Variants in MUC12 observed in about 807,000 individuals in gnomAD.
The protein encoded by MUC12 is mucin 12, cell surface associated.
A neutral mutation model predicts 230.8 loss-of-function variants in MUC12; 172 were observed. The observed-to-expected ratio is 0.75, with a 90% CI of 0.66 to 0.85. MUC12 has a LOEUF of 0.85. Ranked by LOEUF, MUC12 falls within the 40% of genes least tolerant of loss-of-function variation. The probability of loss-of-function intolerance (pLI) is 0.00; values close to 1 mark genes in which losing one functional copy is unlikely to be tolerated. For missense variants in MUC12, 3,506 were observed against 5,920.6 expected (o/e 0.59, Z 13.38); for synonymous variants, 1,259 against 2,401.9 (o/e 0.52, Z 13.91).
At chr7:100,986,368 C>T (rs986893940) in intron 1 of MUC12, among the ~76,000 whole-genome samples, 1 of 147,296 alleles carries the variant, frequency 6.8e-6, no homozygotes, top group East Asian at 2.0e-4. Flanking sequence ...TCCCAGATCT[C>T]ATGTTGAACT....
chr7:101,009,073 T>C, intron 4 of MUC12, 22 bp from the exon 5 acceptor site: 1 of 1,537,324 alleles, frequency 6.5e-7, no homozygotes, highest in Non-Finnish European at 8.7e-7. Context: ...TTGTGTGACC[T>C]TCGCTGCCTT....
Position 100,991,394 on chromosome 7 carries a change from C to A in MUC12, c.831C>A (p.Thr277=), listed in dbSNP as rs779725242. The change falls in exon 2 of 12, where the codon ACC becomes ACA. Residue 277 remains threonine (T), a synonymous_variant. Transcript: ENST00000536621. Reference sequence around the variant, plus strand: ...CAACCCATGAGGGAGAACCTACCACCTTCCAGAGCTGGCCAAGCTCAAAGG... The same window carrying A: ...CAACCCATGAGGGAGAACCTACCACATTCCAGAGCTGGCCAAGCTCAAAGG... ...SSTTHEGEPT[T]FQSWPSSKDT... The A allele has an allele frequency of 1.4e-5, 21 of 1,537,728 alleles. No homozygotes were observed. The highest frequency in any genetic ancestry group is 1.7e-5 in the Non-Finnish European group (19 of 1,147,056).
Position 101,018,725 on chromosome 7 carries a change from G to A in MUC12, c.*89G>A, listed in dbSNP as rs535424864. The A allele has an allele frequency of 3.7e-6, 5 of 1,348,962 alleles. No individual in the cohort carries two copies. The highest frequency in any genetic ancestry group is 5.0e-6 in the Non-Finnish European group (5 of 1,005,960). The allele number at this position is 1,348,962 out of a possible 1,614,324, so 83.6% of individuals were successfully genotyped here. ...CACAAGCCTCCGGGGCGGGTCAAGAGGAGACCGAAGTCAGGCCCTGAAGCC... is the reference window on the plus strand; with the variant it reads ...CACAAGCCTCCGGGGCGGGTCAAGAAGAGACCGAAGTCAGGCCCTGAAGCC... On this transcript the variant is annotated 3_prime_UTR_variant, in exon 12 of 12. Coordinates refer to ENST00000536621, the MANE Select transcript of MUC12 (RefSeq NM_001164462.2).
chr7:100,990,928 C>A lies in MUC12; in HGVS notation c.365C>A (p.Thr122Lys). ...SPITSASMET[T>K]ALPGSTTTAG... Reference sequence around the variant, plus strand: ...ATCACTTCAGCCTCAATGGAAACAACAGCGTTACCTGGCAGTACCACAACA... The same window carrying A: ...ATCACTTCAGCCTCAATGGAAACAAAAGCGTTACCTGGCAGTACCACAACA... Residue 122 changes from threonine (T) to lysine (K), a missense_variant, in exon 2 of 12, where the codon ACA becomes AAA. Transcript: ENST00000536621. 1 of 1,537,908 alleles carries A rather than the reference C, an allele frequency of 6.5e-7. No homozygotes were observed. Among genetic ancestry groups the A allele is most frequent in the South Asian group, 1.2e-5 (1 of 84,064 alleles).
chr7:100,993,246 C>T lies in MUC12; in HGVS notation c.2683C>T (p.Pro895Ser). The T allele has an allele frequency of 7.9e-6, 9 of 1,145,540 alleles. 2 individuals carry two copies. The highest frequency in any genetic ancestry group is 1.1e-5 in the Non-Finnish European group (9 of 841,938). The allele number at this position is 1,145,540 out of a possible 1,614,324, so 71.0% of individuals were successfully genotyped here. The change falls in exon 2 of 12, where the codon CCT becomes TCT. Residue 895 changes from proline to serine, a missense_variant. By Grantham distance (74) the Pro-to-Ser change is moderately conservative. Coordinates refer to ENST00000536621, the MANE Select transcript of MUC12 (RefSeq NM_001164462.2). ...AGGCTCAACGGATACAACACTGTTA[C>T]CTGCCAGCACCACCACCTCAGGCCC... is the stretch of plus-strand genomic sequence containing the variant. ...SPGSTDTTLL[P>S]ASTTTSGPSQ...
rs1295789415 is a variant in MUC12 at position 100,992,948 on chromosome 7, T to C, written c.2385T>C (p.Ser795=). Residue 795 remains serine (S), a synonymous_variant, in exon 2 of 12, where the codon TCT becomes TCC. Coordinates refer to ENST00000536621, the MANE Select transcript of MUC12 (RefSeq NM_001164462.2). ...RSTTSVLLGE[S]TTSPISSGSM... ...CAACCTCAGTTCTTCTTGGAGAATC[T>C]ACGACCTCACCCATCAGTTCAGGCT... The C allele has an allele frequency of 6.5e-7, 1 of 1,537,306 alleles. No homozygotes were observed. The highest frequency in any genetic ancestry group is 8.7e-7 in the Non-Finnish European group (1 of 1,146,932).
At chr7:100,970,980 G>C (rs1376255809) in intron 1 of MUC12, among the ~76,000 whole-genome samples, 3 of 151,004 alleles carry the variant, frequency 2.0e-5, no homozygotes, top group African/African-American at 7.3e-5. Flanking sequence ...CTGGGCGACA[G>C]CGAGACTCCG....
intron 9 of MUC12, 52 bp downstream of exon 9, chr7:101,014,126 G>T (rs1793880435): frequency 6.8e-7 from 1 of 1,467,874 alleles, no homozygotes; most frequent in East Asian, 2.5e-5. Context: ...ACAGATCCTG[G>T]GGTGGCCACT....
rs186537613 is a variant in MUC12, at chr7:101,009,682, A to G, written c.15251+523A>G. ...ATCCCATCTCTACAAAAAGAAAAAA[A>G]AATGTAACAGCAAAACTGAGGCTTG... On this transcript the variant is annotated intron_variant, in intron 5 of 11. Transcript: ENST00000536621. 4.5e-3 allele frequency among the ~76,000 whole-genome samples: 693 copies of G among 152,332 alleles called. 4 individuals carry two copies. The highest frequency in any genetic ancestry group is 7.2e-3 in the Non-Finnish European group (493 of 68,034).
rs144292724 is a variant in MUC12 at position 101,004,599 on chromosome 7, G to C, written c.14036G>C (p.Arg4679Pro). The C allele has an allele frequency of 6.5e-7, 1 of 1,536,156 alleles. No individual in the cohort carries two copies. The highest frequency in any genetic ancestry group is 1.2e-5 in the South Asian group (1 of 83,984). Reference sequence around the variant, plus strand: ...CCTGAGAGCTCCACAACCTCCGGCCGTAGTGAGGAATCAACAGCATCCCAC... The same window carrying C: ...CCTGAGAGCTCCACAACCTCCGGCCCTAGTGAGGAATCAACAGCATCCCAC... Reference protein sequence around the residue: ...HFPESSTTSGRSEESTASHSS... With the variant: ...HFPESSTTSGPSEESTASHSS... The change falls in exon 2 of 12, where the codon CGT becomes CCT. Residue 4679 changes from arginine (R) to proline (P), a missense_variant. Arg to Pro is a moderately radical substitution (Grantham distance 103, BLOSUM62 -2). Coordinates refer to ENST00000536621, the MANE Select transcript of MUC12 (RefSeq NM_001164462.2).
At chr7:101,017,794 G>T in intron 11 of MUC12, 131 bp downstream of exon 11, 4 of 564,844 alleles carry the variant, frequency 7.1e-6, no homozygotes, top group Admixed American at 3.5e-5. Context: ...TTCCCCCTGG[G>T]ACCCCTTCCC....
In MUC12 at chr7:100,995,204, A is replaced by T; in HGVS notation, c.4641A>T (p.Lys1547Asn). 1 of 1,364,876 alleles carries T rather than the reference A, an allele frequency of 7.3e-7. No individual in the cohort carries two copies. The highest frequency in any genetic ancestry group is 9.8e-7 in the Non-Finnish European group (1 of 1,018,722). The allele number at this position is 1,364,876 out of a possible 1,614,324, so 84.5% of individuals were successfully genotyped here. A position where few individuals can be genotyped will look rare whatever the true frequency, so the allele number is the denominator to read the frequency against. Residue 1547 changes from lysine (K) to asparagine (N), a missense_variant, in exon 2 of 12, where the codon AAA becomes AAT. Lys to Asn is a moderately conservative substitution (Grantham distance 94). Transcript: ENST00000536621. ...CCACAACAGCAGGCCTGAGTGAGAAATCTACCACCTTCTACAGTAGCCCCA... is the reference window on the plus strand; with the variant it reads ...CCACAACAGCAGGCCTGAGTGAGAATTCTACCACCTTCTACAGTAGCCCCA... ...GSTTTAGLSEKSTTFYSSPRS... is the reference protein window; with the variant it reads ...GSTTTAGLSENSTTFYSSPRS...
intron 1 of MUC12, chr7:100,981,406 C>T: frequency 1.6e-6 from 1 of 640,000 alleles, no homozygotes; most frequent in Non-Finnish European, 2.8e-6. Context: ...GTTTGCTAGC[C>T]CAGGGGACGA....
Position 100,997,972 on chromosome 7 carries a change from G to T in MUC12, c.7409G>T (p.Ser2470Ile). 6.6e-7 allele frequency: 1 copy of T among 1,504,932 alleles called. No individual in the cohort carries two copies. Among genetic ancestry groups the T allele is most frequent in the Middle Eastern group, 1.8e-4 (1 of 5,564 alleles). 93.2% of individuals were successfully genotyped at this position (1,504,932 alleles called of 1,614,324 possible). A position where few individuals can be genotyped will look rare whatever the true frequency, so the allele number is the denominator to read the frequency against. The stretch of plus-strand genomic sequence containing the variant: ...CAGGAATCAACAACTTCCCACAGCA[G>T]CCCAGGTTCAACTGACACAGCACTG... ...PSQESTTSHS[S>I]PGSTDTALSP... The change falls in exon 2 of 12, where the codon AGC (serine) becomes ATC (isoleucine). Residue 2470 changes from serine to isoleucine, a missense_variant. Ser to Ile is a moderately radical substitution (Grantham distance 142). Coordinates refer to ENST00000536621, the MANE Select transcript of MUC12 (RefSeq NM_001164462.2).
chr7:100,992,562 T>G lies in MUC12; in HGVS notation c.1999T>G (p.Ser667Ala), dbSNP rs1793350550. The G allele has an allele frequency of 1.3e-6, 2 of 1,537,814 alleles. No homozygotes were observed. Among genetic ancestry groups the G allele is most frequent in the African/African-American group, 2.7e-5 (2 of 73,034 alleles). The change falls in exon 2 of 12, where the codon TCA (serine) becomes GCA (alanine). Residue 667 changes from serine (S) to alanine (A), a missense_variant. Physicochemically the swap from Ser to Ala is moderately conservative, Grantham distance 99. Coordinates refer to ENST00000536621, the MANE Select transcript of MUC12 (RefSeq NM_001164462.2). ...TACAACCTCCCACGGCAGCCCGAGC[T>G]CAATTCCAACAACCCACATTTCTGC... ...PSTTSHGSPS[S>A]IPTTHISARS...
intron 1 of MUC12, among the ~76,000 whole-genome samples, chr7:100,981,208 T>C (rs1793099139): frequency 6.6e-6 from 1 of 152,180 alleles, no homozygotes; most frequent in Admixed American, 6.5e-5. Context: ...TTCCTTTGCC[T>C]AGCTTCCTTG....
At chr7:100,973,785 T>C (rs1584823125) in intron 1 of MUC12, among the ~76,000 whole-genome samples, 2 of 152,078 alleles carry the variant, frequency 1.3e-5, no homozygotes, top group South Asian at 4.1e-4. Context: ...CTGGGTGTAG[T>C]GGTTCATGCC....
At chr7:100,987,060 GTTTTTTTT>G (rs1176844989) in intron 1 of MUC12, among the ~76,000 whole-genome samples, 4 of 91,328 alleles carry the variant, frequency 4.4e-5, no homozygotes, top group African/African-American at 8.9e-5. Flanking sequence ...CAAGATAATG[GTTTTTTTT>G]TTTTTTTTTT....
intron 1 of MUC12, among the ~76,000 whole-genome samples, chr7:100,977,837 G>C (rs989100267): frequency 5.9e-5 from 9 of 152,060 alleles, no homozygotes; most frequent in Non-Finnish European, 2.9e-5. Flanking sequence ...CAAAGTGCTG[G>C]GATTACAAGC....
Sources: allele counts gnomAD v4.1 joint callset (sites outside exome capture counted in the v4.1 genomes callset), GRCh38; gene constraint gnomAD v4.1.1; transcripts MANE v1.5; gene names NCBI Gene and HGNC (gene_info 2026-07-23, HGNC 2026-07-21).